SYNE1: variants seen among roughly 807,000 people sequenced by gnomAD.
The protein encoded by SYNE1 is spectrin repeat containing nuclear envelope protein 1, also known as nesprin-1.
In SYNE1, 616 loss-of-function variants were observed where a neutral mutation model predicts 1,111.0. The ratio of observed to expected loss-of-function variants is 0.55; its 90% CI spans 0.52 to 0.59. SYNE1 has a LOEUF of 0.59. SYNE1 is among the 20% of genes least tolerant of loss of function. The pLI is 0.00. For synonymous variants in SYNE1, 3,855 were observed against 3,825.8 expected (o/e 1.01, Z -0.28); for missense variants, 10,006 against 10,417.0 (o/e 0.96, Z 1.72).
chr6:152,302,270 GCCC>G (rs984402335), intron 91 of SYNE1: 1 of 651,588 alleles, frequency 1.5e-6, no homozygotes, highest in African/African-American at 1.8e-5. Flanking sequence ...CAGCCAAAGT[GCCC>G]GAGCCCGCGT....
intron 130 of SYNE1, among the ~76,000 whole-genome samples, chr6:152,172,171 G>A (rs1033248893): frequency 1.3e-5 from 2 of 152,096 alleles, no homozygotes; most frequent in Non-Finnish European, 2.9e-5. Flanking sequence ...TGGGAGAAGT[G>A]GGGAAGGAAG....
At chr6:152,460,514 AG>A (rs2098725471) in intron 21 of SYNE1, among the ~76,000 whole-genome samples, 1 of 152,076 alleles carries the variant, frequency 6.6e-6, no homozygotes, top group Non-Finnish European at 1.5e-5. Flanking sequence ...CCTATTTAAC[AG>A]GGTCTTCTAC....
chr6:152,461,199 G>A (rs1036209030), intron 21 of SYNE1, among the ~76,000 whole-genome samples: 1 of 152,026 alleles, frequency 6.6e-6, no homozygotes, highest in Non-Finnish European at 1.5e-5. Flanking sequence ...GCAGAAAATT[G>A]CACAAATAAG....
intron 3 of SYNE1, among the ~76,000 whole-genome samples, chr6:152,596,520 T>C (rs2099582433): frequency 6.6e-6 from 1 of 152,170 alleles, no homozygotes; most frequent in African/African-American, 2.4e-5. Flanking sequence ...CCTCCCAAAG[T>C]GCTGGGATTA....
intron 54 of SYNE1, 32 bp from the exon 55 acceptor site, chr6:152,385,870 T>C: frequency 6.2e-7 from 1 of 1,611,512 alleles, no homozygotes; most frequent in Non-Finnish European, 8.5e-7. Context: ...ACCTTAACAG[T>C]GGTCCTTTTG....
chr6:152,302,221 A>C (rs752787446), intron 91 of SYNE1, 158 bp from the exon 92 acceptor site: 1 of 927,606 alleles, frequency 1.1e-6, no homozygotes, highest in Non-Finnish European at 1.7e-6. Context: ...GCATCTCGCT[A>C]CCGAGCCAGA....
In SYNE1 at chr6:152,249,103, T is replaced by C; in HGVS notation, c.19572+58A>G. On this transcript the variant is annotated intron_variant, in intron 105 of 145. Coordinates refer to ENST00000367255, the MANE Select transcript of SYNE1 (RefSeq NM_182961.4). ...CTTTCATAGAATATTCAAAATTTCA[T>C]AGTAAGTCATATCTCCTCTATGCAT... 2.6e-6 allele frequency: 3 copies of C among 1,134,364 alleles called. No homozygotes were observed. In the South Asian group the frequency reaches 3.7e-5, roughly 14 times the overall value. 70.3% of individuals were successfully genotyped at this position (1,134,364 alleles called of 1,614,324 possible).
intron 3 of SYNE1, among the ~76,000 whole-genome samples, chr6:152,623,121 A>G (rs2128928707): frequency 6.6e-6 from 1 of 152,206 alleles, no homozygotes; most frequent in South Asian, 2.1e-4. Context: ...TACAGTAACC[A>G]AAACAGCATA....
chr6:152,256,003 G>A (rs1195917446), intron 102 of SYNE1, among the ~76,000 whole-genome samples: 2 of 152,142 alleles, frequency 1.3e-5, no homozygotes, highest in African/African-American at 4.8e-5. Context: ...GGAGGCTGAA[G>A]CATGAGAATT....
intron 3 of SYNE1, among the ~76,000 whole-genome samples, chr6:152,627,091 C>G (rs1353094050): frequency 6.6e-6 from 1 of 152,152 alleles, no homozygotes. Context: ...TAGCACAAAA[C>G]TCTTCTAAAT....
chr6:152,337,267 A>G (rs1188588574), intron 75 of SYNE1, among the ~76,000 whole-genome samples: 12 of 151,606 alleles, frequency 7.9e-5, no homozygotes, highest in Admixed American at 7.9e-4. Flanking sequence ...ATATGGTTTT[A>G]ATCAGTGTTG....
chr6:152,304,504 T>G (rs536974766), intron 91 of SYNE1, among the ~76,000 whole-genome samples: 16 of 151,930 alleles, frequency 1.1e-4, no homozygotes, highest in South Asian at 1.0e-3. Flanking sequence ...CCAGCTAATT[T>G]TTGTATTTTT....
Position 152,526,138 on chromosome 6 carries a change from T to A in SYNE1, c.167A>T (p.Asp56Val). The A allele has an allele frequency of 6.2e-7, 1 of 1,614,126 alleles. No individual in the cohort carries two copies. Among genetic ancestry groups the A allele is most frequent in the South Asian group, 1.1e-5 (1 of 91,086 alleles). ...PPMVVDDLFE[D>V]MKDGVKLLAL... ...AAGCAGTTTAACACCATCTTTCATG[T>A]CTTCAAAAAGATCGTCCACCACCAT... The change falls in exon 5 of 146, where the codon GAC becomes GTC. Residue 56 changes from aspartate (D) to valine (V), a missense_variant. Asp to Val is a radical substitution (Grantham distance 152, BLOSUM62 -3). Transcript: ENST00000367255.
At chr6:152,133,215 G>T in intron 143 of SYNE1, 61 bp downstream of exon 143, 1 of 1,471,556 alleles carries the variant, frequency 6.8e-7, no homozygotes, top group East Asian at 2.3e-5. Flanking sequence ...AATGCATGAA[G>T]ATGATGCTTC....
At chr6:152,353,137 G>T in intron 69 of SYNE1, 126 bp downstream of exon 69, 1 of 1,281,430 alleles carries the variant, frequency 7.8e-7, no homozygotes, top group Non-Finnish European at 1.1e-6. Context: ...CAAGTAAAAT[G>T]ATGAGCTCAG....
At chr6:152,487,854 T>C (rs1032666449) in intron 12 of SYNE1, among the ~76,000 whole-genome samples, 1 of 152,100 alleles carries the variant, frequency 6.6e-6, no homozygotes, top group African/African-American at 2.4e-5. Context: ...GGCAGGTGGA[T>C]CCCGAGGTCA....
At chr6:152,519,891 A>T (rs1347005027) in intron 6 of SYNE1, among the ~76,000 whole-genome samples, 1 of 152,198 alleles carries the variant, frequency 6.6e-6, no homozygotes, top group Non-Finnish European at 1.5e-5. Flanking sequence ...AATATGGTGC[A>T]CTGGGAAGAA....
At chr6:152,420,736 T>C (rs776610265) in intron 39 of SYNE1, among the ~76,000 whole-genome samples, 3 of 152,170 alleles carry the variant, frequency 2.0e-5, no homozygotes, top group Non-Finnish European at 4.4e-5. Context: ...CCTGAAATAC[T>C]TTTTTTAGTG....
intron 3 of SYNE1, among the ~76,000 whole-genome samples, chr6:152,603,827 G>C (rs895414562): frequency 8.4e-5 from 12 of 143,628 alleles, no homozygotes; most frequent in Admixed American, 7.7e-4. Context: ...TATATATATA[G>C]ATATACTATC....
Sources: allele counts gnomAD v4.1 joint callset (sites outside exome capture counted in the v4.1 genomes callset), GRCh38; gene constraint gnomAD v4.1.1; transcripts MANE v1.5; gene names NCBI Gene and HGNC (gene_info 2026-07-23, HGNC 2026-07-21).